DYNC2I1: variants seen among roughly 807,000 people sequenced by gnomAD.
The protein encoded by DYNC2I1 is dynein 2 intermediate chain 1.
DYNC2I1 carries 89 observed loss-of-function variants against 133.4 expected under a neutral mutation model. The ratio of observed to expected loss-of-function variants is 0.67; its 90% CI spans 0.56 to 0.80. The LOEUF is 0.80. Ranked by LOEUF, DYNC2I1 falls within the 30% of genes least tolerant of loss-of-function variation. The probability of loss-of-function intolerance (pLI) is 0.00; values close to 1 mark genes in which losing one functional copy is unlikely to be tolerated. For missense variants in DYNC2I1, 1,291 were observed against 1,314.5 expected (o/e 0.98, Z 0.28); for synonymous variants, 504 against 484.3 (o/e 1.04, Z -0.54).
intron 8 of DYNC2I1, among the ~76,000 whole-genome samples, chr7:158,895,019 G>C (rs558263976): frequency 6.6e-6 from 1 of 152,236 alleles, no homozygotes; most frequent in Non-Finnish European, 1.5e-5. Context: ...TTTTATTGTT[G>C]AGTTTTAAGA....
intron 4 of DYNC2I1, among the ~76,000 whole-genome samples, chr7:158,954,066 A>G (rs1344792191): frequency 6.6e-6 from 1 of 152,086 alleles, no homozygotes; most frequent in East Asian, 1.9e-4. Flanking sequence ...TGTTCTCGAG[A>G]TAGTGAGTAA....
At chr7:158,903,287 A>G (rs1228585475) in intron 10 of DYNC2I1, 1 of 152,226 alleles carries the variant, frequency 6.6e-6, no homozygotes, top group Non-Finnish European at 1.5e-5. Flanking sequence ...GCATCAGGAT[A>G]TAATGTTACT....
chr7:158,935,466 A>G (rs923003486), intron 23 of DYNC2I1, among the ~76,000 whole-genome samples: 1 of 152,246 alleles, frequency 6.6e-6, no homozygotes, highest in African/African-American at 2.4e-5. Context: ...CCCTTCTCTC[A>G]CTAGTGTTTA....
At chr7:158,908,639 A>G (rs906031473) in intron 11 of DYNC2I1, among the ~76,000 whole-genome samples, 4 of 152,232 alleles carry the variant, frequency 2.6e-5, no homozygotes, top group African/African-American at 9.6e-5. Context: ...AGGATGTGAC[A>G]CAGGGAGTGA....
intron 21 of DYNC2I1, among the ~76,000 whole-genome samples, chr7:158,933,178 C>T (rs984759964): frequency 3.9e-5 from 6 of 152,034 alleles, no homozygotes; most frequent in Middle Eastern, 3.2e-3. Flanking sequence ...GTGGGTGTGG[C>T]AGATGGAGCA....
intron 21 of DYNC2I1, among the ~76,000 whole-genome samples, chr7:158,932,768 A>G (rs937247938): frequency 2.2e-4 from 34 of 152,294 alleles, no homozygotes; most frequent in African/African-American, 8.2e-4. Flanking sequence ...GGATCTGAAC[A>G]AAGGCAGCAA....
At chr7:158,922,570 C>T (rs759287399) in intron 16 of DYNC2I1, 21 bp downstream of exon 16, 22 of 1,609,342 alleles carry the variant, frequency 1.4e-5, no homozygotes, top group Admixed American at 3.4e-5. Context: ...GGATGAGAGT[C>T]GCACGTTTGA....
Position 158,871,520 on chromosome 7 carries a change from G to T in DYNC2I1, c.448G>T (p.Asp150Tyr). The T allele has an allele frequency of 6.5e-7, 1 of 1,545,194 alleles. No homozygotes were observed. The highest frequency in any genetic ancestry group is 8.7e-7 in the Non-Finnish European group (1 of 1,146,736). Residue 150 changes from aspartate (D) to tyrosine (Y), a missense_variant, in exon 3 of 25, where the codon GAC (aspartate) becomes TAC (tyrosine). Transcript: ENST00000407559. ...HHNLLGQETRDRQLLERAERK... is the reference protein window; with the variant it reads ...HHNLLGQETRYRQLLERAERK... ...CAACCTGCTGGGCCAGGAGACACGC[G>T]ACCGGCAGCTCCTGGAGCGGGCGGA...
chr7:158,937,379 C>T (rs1235968688), intron 23 of DYNC2I1, among the ~76,000 whole-genome samples: 2 of 152,184 alleles, frequency 1.3e-5, no homozygotes, highest in African/African-American at 4.8e-5. Flanking sequence ...ATAATCCCAG[C>T]ACTTTGGGAG....
intron 23 of DYNC2I1, among the ~76,000 whole-genome samples, chr7:158,938,695 G>T (rs117557061): frequency 0.022 from 3,329 of 152,230 alleles, 56 homozygotes; most frequent in Admixed American, 0.052. Context: ...GGCAAAGGTT[G>T]CAGTGAGCTG....
chr7:158,865,986 A>C (rs1014192065), intron 1 of DYNC2I1, among the ~76,000 whole-genome samples: 1 of 152,220 alleles, frequency 6.6e-6, no homozygotes, highest in Non-Finnish European at 1.5e-5. Context: ...TGTGCATTTA[A>C]GAAAATGGCT....
At chr7:158,910,680 C>T (rs373131136) in intron 11 of DYNC2I1, among the ~76,000 whole-genome samples, 8 of 137,004 alleles carry the variant, frequency 5.8e-5, no homozygotes, top group African/African-American at 1.4e-4. Flanking sequence ...GTGTCAGGCT[C>T]GTGGGCCGAT....
intron 3 of DYNC2I1, among the ~76,000 whole-genome samples, chr7:158,874,334 A>G (rs1156591447): frequency 6.6e-6 from 1 of 151,866 alleles, no homozygotes; most frequent in Non-Finnish European, 1.5e-5. Flanking sequence ...CAGCCCCCTG[A>G]GTAGCTGGGG....
intron 1 of DYNC2I1, among the ~76,000 whole-genome samples, chr7:158,857,541 T>G (rs1257088091): frequency 1.1e-5 from 1 of 93,346 alleles, no homozygotes; most frequent in Non-Finnish European, 2.2e-5. Flanking sequence ...TAGGTTTTTG[T>G]TTTTTTTTTT....
At chr7:158,927,950 C>T (rs1192299786) in intron 20 of DYNC2I1, among the ~76,000 whole-genome samples, 2 of 152,208 alleles carry the variant, frequency 1.3e-5, no homozygotes, top group Non-Finnish European at 2.9e-5. Flanking sequence ...TGTTCTGTAG[C>T]TGTTCCCTAT....
chr7:158,870,458 G>A (rs112596955), intron 2 of DYNC2I1, among the ~76,000 whole-genome samples: 3 of 152,168 alleles, frequency 2.0e-5, no homozygotes, highest in African/African-American at 7.2e-5. Context: ...GGCCTGAGCT[G>A]TCCTCCCACC....
At position 158,912,996 on chromosome 7, in the gene DYNC2I1, G is replaced by C. The variant is rs1263804332; in HGVS notation, c.1602G>C (p.Gln534His). 30 of 1,611,596 alleles carry C rather than the reference G, an allele frequency of 1.9e-5. No homozygotes were observed. In the Admixed American group the frequency reaches 5.0e-4, roughly 27 times the overall value. Reference sequence around the variant, plus strand: ...TTTTTGTTTTTAAGGCATATGTTCAGTGTAACGAAGATAATGTTGAAAGAG... The same window carrying C: ...TTTTTGTTTTTAAGGCATATGTTCACTGTAACGAAGATAATGTTGAAAGAG... ...GKKNTKQAYV[Q>H]CNEDNVERDI... The change falls in exon 13 of 25, where the codon CAG becomes CAC. Residue 534 changes from glutamine (Q) to histidine (H), a missense_variant. Gln to His is a conservative substitution (Grantham distance 24, BLOSUM62 0). Transcript: ENST00000407559.
intron 13 of DYNC2I1, among the ~76,000 whole-genome samples, chr7:158,913,403 T>C (rs1405133129): frequency 1.3e-5 from 2 of 152,224 alleles, no homozygotes; most frequent in African/African-American, 2.4e-5. Context: ...ACTGTGTCGC[T>C]GGACCTTTGA....
intron 7 of DYNC2I1, among the ~76,000 whole-genome samples, chr7:158,888,303 G>A (rs1436759200): frequency 1.3e-5 from 2 of 152,028 alleles, no homozygotes; most frequent in Non-Finnish European, 2.9e-5. Context: ...GATTACAGGC[G>A]TGAGCCACCG....
Sources: gnomAD v4.1 joint callset for allele counts (sites outside exome capture counted in the v4.1 genomes callset) on GRCh38, gnomAD v4.1.1 for gene constraint, MANE v1.5 for transcripts, NCBI Gene and HGNC (gene_info 2026-07-23, HGNC 2026-07-21) for gene names.